PTOV1: variants seen among roughly 807,000 people sequenced by gnomAD.
PTOV1 encodes prostate tumor-overexpressed gene 1 protein.
A neutral mutation model predicts 58.0 loss-of-function variants in PTOV1; 20 were observed. That is an observed-to-expected ratio of 0.34 (90% CI 0.24 to 0.50). PTOV1 has a LOEUF of 0.50. Ranked by LOEUF, PTOV1 falls within the 20% of genes least tolerant of loss-of-function variation. The pLI is 0.98. For missense variants in PTOV1, 593 were observed against 565.4 expected (o/e 1.05, Z -0.50); for synonymous variants, 335 against 234.2 (o/e 1.43, Z -3.93).
At chr19:49,857,406 G>C in intron 6 of PTOV1, 1 of 606,844 alleles carries the variant, frequency 1.6e-6, no homozygotes, top group Non-Finnish European at 2.9e-6. Flanking sequence ...TCCTGCGGCT[G>C]GAAGGCCCTG....
At chr19:49,853,493 T>TG (rs2074336726) in intron 1 of PTOV1, among the ~76,000 whole-genome samples, 2 of 113,596 alleles carry the variant, frequency 1.8e-5, no homozygotes, top group African/African-American at 6.6e-5. Flanking sequence ...CCATCTCTAC[T>TG]AAAAAAAAAA....
rs574998672 is a variant in PTOV1, at chr19:49,857,158, G to A, written c.714+28G>A. 9.9e-6 allele frequency: 16 copies of A among 1,612,432 alleles called. No individual in the cohort carries two copies. In the South Asian group the frequency reaches 1.8e-4, roughly 18 times the overall value. ...GTGCCAGCCAAGCACAGCCCCTCTG[G>A]GGACAGAGGGGGATTAGACCCCACT... is the stretch of plus-strand genomic sequence containing the variant. On this transcript the variant is annotated intron_variant, in intron 6 of 11. Transcript: ENST00000391842.
intron 5 of PTOV1, 84 bp from the exon 6 acceptor site, chr19:49,856,891 C>T: frequency 1.3e-6 from 2 of 1,526,056 alleles, no homozygotes; most frequent in East Asian, 2.3e-5. Flanking sequence ...TCCCTTCATC[C>T]CCTACAGGTG....
upstream of PTOV1, chr19:49,850,963 C>T (rs1600346937): frequency 2.0e-6 from 3 of 1,535,592 alleles, 1 homozygote; most frequent in East Asian, 2.4e-5. Context: ...TCGGTAGGGG[C>T]TCCCGTTCCC....
intron 6 of PTOV1, 86 bp from the exon 7 acceptor site, chr19:49,857,607 G>C (rs1048487160): frequency 1.6e-6 from 2 of 1,287,490 alleles, no homozygotes; most frequent in East Asian, 4.9e-5. Context: ...GCCAAGGCTC[G>C]GAGGGAGGGA....
chr19:49,859,646 C>G (rs1004001664), intron 10 of PTOV1, among the ~76,000 whole-genome samples: 2 of 152,272 alleles, frequency 1.3e-5, no homozygotes, highest in South Asian at 2.1e-4. Context: ...TGTGCTGGGC[C>G]GGCCGCTGCA....
chr19:49,850,722 A>C (rs773444752), upstream of PTOV1: 134 of 836,670 alleles, frequency 1.6e-4, 1 homozygote, highest in Non-Finnish European at 2.3e-4. Flanking sequence ...CACGTCACCG[A>C]CTGCAAACCT....
At chr19:49,860,034 C>T (rs2074681252) in exon 11 of PTOV1, 1 of 1,614,200 alleles carries the variant, frequency 6.2e-7, no homozygotes, top group Non-Finnish European at 8.5e-7. Flanking sequence ...GATCCGCGTG[C>T]TTATGCTCCT....
chr19:49,858,707 G>T (rs1340243821), intron 10 of PTOV1, 54 bp downstream of exon 10: 1 of 1,444,254 alleles, frequency 6.9e-7, no homozygotes, highest in Non-Finnish European at 9.5e-7. Flanking sequence ...GAGCGAGCCC[G>T]GACCGCTCAC....
chr19:49,851,037 G>A (rs1212262209), upstream of PTOV1: 18 of 1,521,852 alleles, frequency 1.2e-5, no homozygotes, highest in Non-Finnish European at 1.6e-5. Flanking sequence ...GGAGAGGCCC[G>A]CAGGACCGCC....
chr19:49,855,291 G>A, intron 5 of PTOV1: 1 of 582,146 alleles, frequency 1.7e-6, no homozygotes, highest in Non-Finnish European at 3.1e-6. Context: ...TCCAGTTTCT[G>A]CATCTGTGCC....
At chr19:49,860,667 G>A (rs2074718166) in exon 12 of PTOV1, 1 of 405,650 alleles carries the variant, frequency 2.5e-6, no homozygotes, top group South Asian at 4.0e-5. Context: ...CAGCAACATG[G>A]AGGATGGTGT....
At chr19:49,857,501 T>A (rs2074527722) in intron 6 of PTOV1, 192 bp from the exon 7 acceptor site, 1 of 646,414 alleles carries the variant, frequency 1.5e-6, no homozygotes, top group Non-Finnish European at 2.7e-6. Context: ...CCGGGACCTG[T>A]CTCAGGCCAC....
chr19:49,852,190 C>A, intron 1 of PTOV1: 1 of 613,694 alleles, frequency 1.6e-6, no homozygotes, highest in Non-Finnish European at 2.0e-6. Context: ...ACGCTTGCCC[C>A]GATGTGAGAT....
intron 1 of PTOV1, chr19:49,852,104 G>A: frequency 2.0e-6 from 2 of 980,894 alleles, no homozygotes; most frequent in Non-Finnish European, 2.4e-6. Flanking sequence ...GGACCCAAAA[G>A]ATGCACATGC....
chr19:49,856,559 C>G (rs762954773), intron 5 of PTOV1: 10 of 210,164 alleles, frequency 4.8e-5, no homozygotes, highest in Non-Finnish European at 8.7e-5. Context: ...CCCGGTTTTA[C>G]AGATGATGGA....
intron 5 of PTOV1, 101 bp from the exon 6 acceptor site, chr19:49,856,874 G>T: frequency 7.0e-7 from 1 of 1,430,428 alleles, no homozygotes; most frequent in Non-Finnish European, 9.6e-7. Flanking sequence ...TCTGTCCACC[G>T]ATGATCTCCC....
exon 8 of PTOV1, chr19:49,857,951 C>T (rs371426666): frequency 2.8e-5 from 45 of 1,613,652 alleles, no homozygotes; most frequent in South Asian, 4.4e-5. Flanking sequence ...TGCCATCCCA[C>T]GTCTACGTGA....
exon 3 of PTOV1, chr19:49,854,732 C>T (rs533426566): frequency 5.0e-6 from 8 of 1,613,368 alleles, no homozygotes; most frequent in Non-Finnish European, 6.8e-6. Context: ...AAGGCGAGAA[C>T]CTGTGAGTGC....
Sources: allele counts gnomAD v4.1 joint callset (sites outside exome capture counted in the v4.1 genomes callset), GRCh38; gene constraint gnomAD v4.1.1; transcripts MANE v1.5; gene names NCBI Gene and HGNC (gene_info 2026-07-23, HGNC 2026-07-21).